The following NUP50 variants were observed in gnomAD, a reference collection of about 807,000 sequenced individuals.
NUP50 encodes nuclear pore complex protein Nup50.
Under a neutral mutation model 36.8 loss-of-function variants are expected in NUP50, and 14 were observed. The observed-to-expected ratio is 0.38, with a 90% CI of 0.25 to 0.59. The LOEUF is 0.59. NUP50 is among the 20% of genes least tolerant of loss of function. The pLI is 0.63. For missense variants in NUP50, 455 were observed against 564.6 expected (o/e 0.81, Z 1.97); for synonymous variants, 195 against 210.8 (o/e 0.93, Z 0.65).
chr22:45,181,902 A>G (rs951822536), intron 6 of NUP50, among the ~76,000 whole-genome samples: 8 of 152,242 alleles, frequency 5.3e-5, no homozygotes, highest in African/African-American at 1.9e-4. Flanking sequence ...GTTTTTACAA[A>G]GATATTTGCT....
chr22:45,175,801 G>C, intron 3 of NUP50, 93 bp from the exon 4 acceptor site: 1 of 1,208,646 alleles, frequency 8.3e-7, no homozygotes, highest in Non-Finnish European at 1.2e-6. Flanking sequence ...GTGGAGTCTA[G>C]GTGCTGTTTA....
At chr22:45,178,206 A>G (rs767461173) in intron 4 of NUP50, 32 bp from the exon 5 acceptor site, 1 of 1,577,656 alleles carries the variant, frequency 6.3e-7, no homozygotes, top group Admixed American at 1.8e-5. Context: ...AAATTAGGCT[A>G]AATAAATGGT....
At chr22:45,167,921 CAGGA>C (rs1481268636) in intron 1 of NUP50, among the ~76,000 whole-genome samples, 1 of 151,878 alleles carries the variant, frequency 6.6e-6, no homozygotes, top group Non-Finnish European at 1.5e-5. Flanking sequence ...TAGTGTTGTT[CAGGA>C]CTGCTGGTGT....
intron 1 of NUP50, 23 bp from the exon 2 acceptor site, chr22:45,168,145 C>T: frequency 5.2e-6 from 8 of 1,525,776 alleles, no homozygotes; most frequent in Non-Finnish European, 7.2e-6. Context: ...GAAAAATAAA[C>T]TCTTCTGTTT....
Position 45,171,591 on chromosome 22 carries a change from G to A in NUP50, c.70-9G>A, listed in dbSNP as rs745949887. On this transcript the variant is annotated splice_polypyrimidine_tract_variant and intron_variant, in intron 2 of 7. Transcript: ENST00000347635. ...ATCTTACTGCTGCTTAATTTGTATT[G>A]TATTGCAGGTGGGAACATTCTCCAT... The A allele has an allele frequency of 1.9e-6, 3 of 1,611,364 alleles. No homozygotes were observed. Among genetic ancestry groups the A allele is most frequent in the South Asian group, 2.2e-5 (2 of 91,040 alleles).
chr22:45,178,536 C>G lies in NUP50; in HGVS notation c.639C>G (p.Asn213Lys). 6.2e-7 allele frequency: 1 copy of G among 1,612,030 alleles called. No homozygotes were observed. The highest frequency in any genetic ancestry group is 8.5e-7 in the Non-Finnish European group (1 of 1,179,858). Residue 213 changes from asparagine to lysine, a missense_variant, in exon 5 of 8, where the codon AAC (asparagine) becomes AAG (lysine). Transcript: ENST00000347635. ...NSGRNSESESNKVAAETQSPS... is the reference protein window; with the variant it reads ...NSGRNSESESKKVAAETQSPS... ...GCAGGAATTCTGAAAGTGAATCTAA[C>G]AAAGTGGCAGCTGAAACACAGTCTC...
chr22:45,169,458 G>GTT (rs1179238404), intron 2 of NUP50, among the ~76,000 whole-genome samples: 12 of 152,058 alleles, frequency 7.9e-5, no homozygotes, highest in Non-Finnish European at 1.2e-4. Context: ...GGCACAAACT[G>GTT]TTTCAGTATA....
intron 3 of NUP50, among the ~76,000 whole-genome samples, chr22:45,174,976 T>C (rs75950576): frequency 2.6e-5 from 4 of 152,118 alleles, no homozygotes; most frequent in African/African-American, 4.8e-5. Context: ...TTTTTTTTTT[T>C]CTGGTGAAAT....
intron 3 of NUP50, 104 bp from the exon 4 acceptor site, chr22:45,175,790 T>G (rs2074267169): frequency 5.0e-6 from 5 of 996,972 alleles, no homozygotes; most frequent in Non-Finnish European, 7.5e-6. Flanking sequence ...GCTGACTGCA[T>G]GTGGAGTCTA....
intron 4 of NUP50, 105 bp from the exon 5 acceptor site, chr22:45,178,133 G>C: frequency 2.0e-6 from 2 of 996,544 alleles, no homozygotes; most frequent in Non-Finnish European, 3.0e-6. Flanking sequence ...TGGTGTGGGG[G>C]GAGATACAGT....
chr22:45,176,390 CGA>C (rs1188487764), intron 4 of NUP50, among the ~76,000 whole-genome samples: 1 of 152,076 alleles, frequency 6.6e-6, no homozygotes, highest in Non-Finnish European at 1.5e-5. Context: ...GACCTAGAGT[CGA>C]GAGAGAAAAG....
intron 6 of NUP50, among the ~76,000 whole-genome samples, chr22:45,182,930 A>AT (rs1335102476): frequency 6.6e-6 from 1 of 151,602 alleles, no homozygotes; most frequent in African/African-American, 2.4e-5. Context: ...GTCGAGGAGA[A>AT]TTTTTAAAAT....
chr22:45,177,998 T>C lies in NUP50; in HGVS notation c.341-240T>C, dbSNP rs1056987175. On this transcript the variant is annotated intron_variant, in intron 4 of 7. Coordinates refer to ENST00000347635, the MANE Select transcript of NUP50 (RefSeq NM_007172.4). ...AAAATTAGCCGGGTGTGGTGGCGGG[T>C]GCCCGTAATCCCACCTACTCGGGAG... The C allele has an allele frequency of 1.3e-4, 60 of 460,062 alleles. No homozygotes were observed. The Middle Eastern group carries it at 1.8e-3, about 14-fold the overall frequency. 28.5% of individuals were successfully genotyped at this position (460,062 alleles called of 1,614,324 possible).
rs132857 is a variant in NUP50 at position 45,165,511 on chromosome 22, A to T, written c.-11+1215A>T. On this transcript the variant is annotated intron_variant, in intron 1 of 7. Coordinates refer to ENST00000347635, the MANE Select transcript of NUP50 (RefSeq NM_007172.4). ...TCCTTCCGCCTCCCTTAAGTTCTTC[A>T]TAACAGTAGCTAGACATAAGACTCC... Among the ~76,000 whole-genome samples, 29 of 152,250 alleles carry T rather than the reference A, an allele frequency of 1.9e-4. No homozygotes were observed. The East Asian group carries it at 5.4e-3, about 28-fold the overall frequency.
In NUP50 at chr22:45,178,620, C is replaced by A; in HGVS notation, c.723C>A (p.Asn241Lys). 2 of 1,611,754 alleles carry A rather than the reference C, an allele frequency of 1.2e-6. No homozygotes were observed. The highest frequency in any genetic ancestry group is 1.7e-6 in the Non-Finnish European group (2 of 1,179,804). The part of the protein sequence containing the change: ...QQESTFLFHG[N>K]KTEDTPDKKM... Reference sequence around the variant, plus strand: ...AGTCAACGTTTTTGTTTCATGGCAACAAAACTGAAGATACACCTGACAAGA... The same window carrying A: ...AGTCAACGTTTTTGTTTCATGGCAAAAAAACTGAAGATACACCTGACAAGA... The change falls in exon 5 of 8, where the codon AAC (asparagine) becomes AAA (lysine). Residue 241 changes from asparagine to lysine, a missense_variant. Asn to Lys is a moderately conservative substitution (Grantham distance 94). Coordinates refer to ENST00000347635, the MANE Select transcript of NUP50 (RefSeq NM_007172.4).
intron 1 of NUP50, among the ~76,000 whole-genome samples, chr22:45,167,582 T>C (rs2074115001): frequency 6.6e-6 from 1 of 152,220 alleles, no homozygotes; most frequent in Non-Finnish European, 1.5e-5. Flanking sequence ...GGACTTCTAA[T>C]TGTCTTGGCA....
At chr22:45,182,621 TTG>T (rs572889907) in intron 6 of NUP50, among the ~76,000 whole-genome samples, 2 of 98,660 alleles carry the variant, frequency 2.0e-5, no homozygotes, top group African/African-American at 8.6e-5. Context: ...GCCTTGAGGT[TTG>T]TTTTTTTTTT....
intron 4 of NUP50, among the ~76,000 whole-genome samples, chr22:45,176,958 T>C (rs538595587): frequency 4.3e-4 from 65 of 152,222 alleles, no homozygotes; most frequent in Admixed American, 1.5e-3. Flanking sequence ...GCCAGGATGG[T>C]CTTGATCTCT....
rs753495745 is a variant in NUP50, at chr22:45,184,412, A to G, written c.1205-41A>G. 8 of 1,564,616 alleles carry G rather than the reference A, an allele frequency of 5.1e-6. No homozygotes were observed. In the South Asian group the frequency reaches 7.8e-5, roughly 15 times the overall value. On this transcript the variant is annotated intron_variant, in intron 7 of 7. Transcript: ENST00000347635. ...TTACAGACTCCTTTGGTGGAGCTAT[A>G]GCTTCTATAATTTTGATGGGTTTTG...
Sources: gnomAD v4.1 joint callset for allele counts (sites outside exome capture counted in the v4.1 genomes callset) on GRCh38, gnomAD v4.1.1 for gene constraint, MANE v1.5 for transcripts, NCBI Gene and HGNC (gene_info 2026-07-23, HGNC 2026-07-21) for gene names.